SART1: variants seen among roughly 807,000 people sequenced by gnomAD.
SART1 encodes U4/U6.U5 tri-snRNP-associated protein 1.
A neutral mutation model predicts 105.0 loss-of-function variants in SART1; 28 were observed. The observed-to-expected ratio is 0.27, with a 90% CI of 0.20 to 0.37. The LOEUF is 0.37. SART1 is among the 10% of genes least tolerant of loss of function. SART1 has a pLI of 1.00. For missense variants in SART1, 894 were observed against 1,106.5 expected (o/e 0.81, Z 2.72); for synonymous variants, 472 against 462.9 (o/e 1.02, Z -0.25).
Position 65,976,997 on chromosome 11 carries a change from C to A in SART1, c.1858-17C>A, listed in dbSNP as rs371557283. On this transcript the variant is annotated splice_polypyrimidine_tract_variant and intron_variant, in intron 14 of 19. Transcript: ENST00000312397. This position sits in a 1 kb window ranked among gnomAD's most constrained non-coding sequence, Gnocchi z 5.1. ...GCCGGTATGGCCTGCTAACCACCCCCGCCACGTGTCCCGTAGTTCTCTGCT... is the reference window on the plus strand; with the variant it reads ...GCCGGTATGGCCTGCTAACCACCCCAGCCACGTGTCCCGTAGTTCTCTGCT... 6.2e-7 allele frequency: 1 copy of A among 1,607,634 alleles called. No individual in the cohort carries two copies. Among genetic ancestry groups the A allele is most frequent in the African/African-American group, 1.3e-5 (1 of 74,768 alleles).
At position 65,980,072 on chromosome 11, in the gene SART1, C is replaced by T. The variant is rs144235182; in HGVS notation, c.*1042C>T. Among the ~76,000 whole-genome samples, 10 of 152,144 alleles carry T rather than the reference C, an allele frequency of 6.6e-5. No homozygotes were observed. The highest frequency in any genetic ancestry group is 2.4e-4 in the African/African-American group (10 of 41,492). On this transcript the variant is annotated 3_prime_UTR_variant, in exon 20 of 20. Coordinates refer to ENST00000312397, the MANE Select transcript of SART1 (RefSeq NM_005146.5). ...AGGCTGCAGTGGGCCCTGATTGAGC[C>T]ACCACACTGCAGCCTAGGTGACAGT...
chr11:65,965,824 C>T lies in SART1; in HGVS notation c.738+45C>T, dbSNP rs1405835991. The T allele has an allele frequency of 5.6e-6, 9 of 1,613,198 alleles. 1 individual carries two copies. In the South Asian group the frequency reaches 6.6e-5, roughly 12 times the overall value. ...GGTACAGGGGACACTGGTGGCCTTG[C>T]TACCGGAATCCCGAGGTTGGGTGCG... On this transcript the variant is annotated intron_variant, in intron 6 of 19. Coordinates refer to ENST00000312397, the MANE Select transcript of SART1 (RefSeq NM_005146.5).
At chr11:65,975,030 ACT>A (rs1276328858) in intron 12 of SART1, among the ~76,000 whole-genome samples, 20 of 151,600 alleles carry the variant, frequency 1.3e-4, no homozygotes, top group African/African-American at 4.1e-4. Flanking sequence ...ACAAAGTGAG[ACT>A]CTGTCTCAAA....
chr11:65,971,587 G>T, intron 12 of SART1, among the ~76,000 whole-genome samples: 1 of 83,042 alleles, frequency 1.2e-5, no homozygotes, highest in Non-Finnish European at 2.5e-5. Flanking sequence ...GCTGAAGAGG[G>T]GGATGGTGGG....
Position 65,978,309 on chromosome 11 carries a change from G to A in SART1, c.2173-291G>A, listed in dbSNP as rs1425770870. Among the ~76,000 whole-genome samples, 1 of 151,976 alleles carries A rather than the reference G, an allele frequency of 6.6e-6. No individual in the cohort carries two copies. The highest frequency in any genetic ancestry group is 1.5e-5 in the Non-Finnish European group (1 of 67,970). On this transcript the variant is annotated intron_variant, in intron 17 of 19. Coordinates refer to ENST00000312397, the MANE Select transcript of SART1 (RefSeq NM_005146.5). This position sits in a 1 kb window ranked among gnomAD's most constrained non-coding sequence, Gnocchi z 6.8. ...GCTCTCTGGGGTTTGTCTCCCTGCA[G>A]CCCCAGCCCCAGCCCCAGCGTCCAG...
chr11:65,976,954 T>C lies in SART1; in HGVS notation c.1858-60T>C. The C allele has an allele frequency of 7.2e-7, 1 of 1,391,712 alleles. No individual in the cohort carries two copies. The highest frequency in any genetic ancestry group is 1.0e-6 in the Non-Finnish European group (1 of 979,008). 86.2% of individuals were successfully genotyped at this position (1,391,712 alleles called of 1,614,324 possible). On this transcript the variant is annotated intron_variant, in intron 14 of 19. Transcript: ENST00000312397. The surrounding 1 kb of genome is among the most constrained non-coding windows in gnomAD (Gnocchi z 5.1). ...CTGGTGCCTGGCAGGTGGTGACCAGTGGGTGGGGCTGAGAAGAGCCGGTAT... is the reference window on the plus strand; with the variant it reads ...CTGGTGCCTGGCAGGTGGTGACCAGCGGGTGGGGCTGAGAAGAGCCGGTAT...
chr11:65,976,446 G>A lies in SART1; in HGVS notation c.1624G>A (p.Asp542Asn). 1 of 1,570,532 alleles carries A rather than the reference G, an allele frequency of 6.4e-7. No homozygotes were observed. The highest frequency in any genetic ancestry group is 8.6e-7 in the Non-Finnish European group (1 of 1,159,798). Reference sequence around the variant, plus strand: ...GTCTCGCCAGCGGGGCTGGGAGGAGGATGAGGATCCCGAGCGGAAGGGGGC... The same window carrying A: ...GTCTCGCCAGCGGGGCTGGGAGGAGAATGAGGATCCCGAGCGGAAGGGGGC... ...LESRQRGWEE[D>N]EDPERKGAIV... Residue 542 changes from aspartate to asparagine, a missense_variant, in exon 13 of 20, where the codon GAT (aspartate) becomes AAT (asparagine). This residue lies in a region of SART1 where 712 missense variants were observed against 778.2 expected (regional missense o/e 0.91). Coordinates refer to ENST00000312397, the MANE Select transcript of SART1 (RefSeq NM_005146.5). This position sits in a 1 kb window ranked among gnomAD's most constrained non-coding sequence, Gnocchi z 5.1.
At chr11:65,977,481 C>A in intron 15 of SART1, 82 bp from the exon 16 acceptor site, 1 of 1,186,890 alleles carries the variant, frequency 8.4e-7, no homozygotes, top group Non-Finnish European at 1.3e-6. Context: ...GGTGCCCCCA[C>A]AGGGCCTGCT....
rs537993475 is a variant in SART1 at position 65,967,729 on chromosome 11, G to C, written c.1480G>C (p.Glu494Gln). ...PGSPQVLEED[E>Q]AELELQKQLE... ...GTCCCCGCAGGTGCTGGAGGAGGAC[G>C]AGGCGGAGCTGGAGCTGCAGAAGCA... The change falls in exon 12 of 20, where the codon GAG becomes CAG. Residue 494 changes from glutamate (E) to glutamine (Q), a missense_variant. Glu to Gln is a conservative substitution (Grantham distance 29). Coordinates refer to ENST00000312397, the MANE Select transcript of SART1 (RefSeq NM_005146.5). The C allele has an allele frequency of 2.6e-6, 4 of 1,556,544 alleles. No individual in the cohort carries two copies. In the African/African-American group the frequency reaches 5.4e-5, roughly 21 times the overall value.
Position 65,976,653 on chromosome 11 carries a change from C to T in SART1, c.1747-3C>T, listed in dbSNP as rs373812085. The T allele has an allele frequency of 4.4e-5, 71 of 1,613,688 alleles. No homozygotes were observed. The African/African-American group carries it at 6.7e-4, about 15-fold the overall frequency. On this transcript the variant is annotated splice_polypyrimidine_tract_variant and splice_region_variant and intron_variant, in intron 13 of 19. Coordinates refer to ENST00000312397, the MANE Select transcript of SART1 (RefSeq NM_005146.5). The surrounding 1 kb of genome is among the most constrained non-coding windows in gnomAD (Gnocchi z 5.1). ...GGGCCGACCCTGGTCTTTTGTGCCCCAGGACTTTGAACGGGATGAGGAGCG... is the reference window on the plus strand; with the variant it reads ...GGGCCGACCCTGGTCTTTTGTGCCCTAGGACTTTGAACGGGATGAGGAGCG...
rs150018115 is a variant in SART1 at position 65,970,368 on chromosome 11, A to G, written c.1572+2547A>G. On this transcript the variant is annotated intron_variant, in intron 12 of 19. Transcript: ENST00000312397. The stretch of plus-strand genomic sequence containing the variant: ...TAGTTTTTTGTTGTAAGCAGCATCC[A>G]ATCAAGTTTCCCACCCGCAAAGGAG... Among the ~76,000 whole-genome samples the G allele has an allele frequency of 6.6e-3, 1,011 of 152,296 alleles. 6 individuals carry two copies. Among genetic ancestry groups the G allele is most frequent in the African/African-American group, 0.022 (927 of 41,554 alleles).
rs191894984 is a variant in SART1 at position 65,978,589 on chromosome 11, C to T, written c.2173-11C>T. The T allele has an allele frequency of 9.5e-5, 148 of 1,554,282 alleles. No homozygotes were observed. In the African/African-American group the frequency reaches 1.3e-3, roughly 13 times the overall value. On this transcript the variant is annotated splice_polypyrimidine_tract_variant and intron_variant, in intron 17 of 19. Coordinates refer to ENST00000312397, the MANE Select transcript of SART1 (RefSeq NM_005146.5). The surrounding 1 kb of genome is among the most constrained non-coding windows in gnomAD (Gnocchi z 6.8). ...GGGCCCTGCATCTCCTCTCATGCCCCGCGTCCCCAGGCTTTCCGGCAGCTG... is the reference window on the plus strand; with the variant it reads ...GGGCCCTGCATCTCCTCTCATGCCCTGCGTCCCCAGGCTTTCCGGCAGCTG...
intron 1 of SART1, 93 bp downstream of exon 1, chr11:65,962,186 A>G: frequency 4.1e-6 from 4 of 964,264 alleles, no homozygotes; most frequent in Non-Finnish European, 5.7e-6. Flanking sequence ...GAAGCTCTTC[A>G]GGCCAGGAAA....
chr11:65,963,945 G>C (rs1365762795), intron 1 of SART1, 129 bp from the exon 2 acceptor site: 4 of 729,486 alleles, frequency 5.5e-6, no homozygotes, highest in South Asian at 5.0e-5. Context: ...AGAAGCTGCT[G>C]TTTTCTGGTG....
chr11:65,965,533 A>G (rs1220285450), intron 5 of SART1, 86 bp downstream of exon 5: 1 of 1,420,062 alleles, frequency 7.0e-7, no homozygotes, highest in South Asian at 1.2e-5. Flanking sequence ...CAGAGAGGTG[A>G]GACGGGGCTT....
chr11:65,967,420 G>T, intron 10 of SART1, 37 bp downstream of exon 10: 1 of 1,613,816 alleles, frequency 6.2e-7, no homozygotes, highest in Non-Finnish European at 8.5e-7. Context: ...AGATGGCTGG[G>T]CTGGGGTGGC....
rs1405529584 is a variant in SART1 at position 65,978,568 on chromosome 11, C to T, written c.2173-32C>T. 3 of 1,550,002 alleles carry T rather than the reference C, an allele frequency of 1.9e-6. No homozygotes were observed. The highest frequency in any genetic ancestry group is 2.6e-6 in the Non-Finnish European group (3 of 1,146,472). On this transcript the variant is annotated intron_variant, in intron 17 of 19. Coordinates refer to ENST00000312397, the MANE Select transcript of SART1 (RefSeq NM_005146.5). The surrounding 1 kb of genome is among the most constrained non-coding windows in gnomAD (Gnocchi z 6.8). ...AGGTGGCTCCGGCCCCACCCAGGGC[C>T]CTGCATCTCCTCTCATGCCCCGCGT...
At chr11:65,967,892 G>A (rs1176057347) in intron 12 of SART1, 71 bp downstream of exon 12, 52 of 1,253,648 alleles carry the variant, frequency 4.1e-5, no homozygotes, top group Non-Finnish European at 5.0e-5. Context: ...TGTCATAGGC[G>A]ACAGCCACAT....
In SART1 at chr11:65,964,067, G is replaced by A. The variant is rs1163678946; in HGVS notation, c.314-7G>A. Reference sequence around the variant, plus strand: ...CAGCTCCTGAGCCATGCTTCTTCTTGTTCCAGCTGCCAGCTCCAAAACTAG... The same window carrying A: ...CAGCTCCTGAGCCATGCTTCTTCTTATTCCAGCTGCCAGCTCCAAAACTAG... On this transcript the variant is annotated splice_polypyrimidine_tract_variant and splice_region_variant and intron_variant, in intron 1 of 19. Coordinates refer to ENST00000312397, the MANE Select transcript of SART1 (RefSeq NM_005146.5). 1 of 1,610,938 alleles carries A rather than the reference G, an allele frequency of 6.2e-7. No homozygotes were observed. Among genetic ancestry groups the A allele is most frequent in the Non-Finnish European group, 8.5e-7 (1 of 1,179,962 alleles).
Sources: gnomAD v4.1 joint callset for allele counts (sites outside exome capture counted in the v4.1 genomes callset) on GRCh38, gnomAD v4.1.1 for gene constraint, gnomAD v4.1.1 regional missense constraint, Gnocchi (gnomAD v3.1) non-coding constraint, MANE v1.5 for transcripts, NCBI Gene and HGNC (gene_info 2026-07-23, HGNC 2026-07-21) for gene names.